Variants in NAA30 observed in about 807,000 individuals in gnomAD.
The protein encoded by NAA30 is N-alpha-acetyltransferase 30, NatC catalytic subunit, also known as N-alpha-acetyltransferase 30.
Under a neutral mutation model 31.4 loss-of-function variants are expected in NAA30, and 5 were observed. That is an observed-to-expected ratio of 0.16 (90% CI 0.08 to 0.33). The LOEUF (loss-of-function observed/expected upper bound fraction) is 0.33, where lower values mean the gene tolerates loss of function less well. Among genes scored for constraint, NAA30 ranks in the 10% least tolerant of loss-of-function variants. NAA30 has a pLI of 1.00. For synonymous variants in NAA30, 222 were observed against 207.1 expected (o/e 1.07, Z -0.62); for missense variants, 428 against 490.8 (o/e 0.87, Z 1.21).
At chr14:57,405,615 T>C (rs1274748579) in intron 4 of NAA30, among the ~76,000 whole-genome samples, 2 of 152,172 alleles carry the variant, frequency 1.3e-5, no homozygotes, top group Non-Finnish European at 2.9e-5. Context: ...AGTTGTGTGA[T>C]TGTAGGCAGG....
rs1297402173 is a variant in NAA30, at chr14:57,413,866, C to T, written c.*4350C>T. 1 of 152,198 alleles carries T rather than the reference C, an allele frequency of 6.6e-6. No homozygotes were observed. The highest frequency in any genetic ancestry group is 1.5e-5 in the Non-Finnish European group (1 of 68,036). 9.4% of individuals were successfully genotyped at this position (152,198 alleles called of 1,614,324 possible). On this transcript the variant is annotated 3_prime_UTR_variant, in exon 5 of 5. Coordinates refer to ENST00000556492, the MANE Select transcript of NAA30 (RefSeq NM_001011713.3). Reference sequence around the variant, plus strand: ...CTCATAAGCATATAGCACTGCTACACTTTAGATCACTACTGTCCAGTCACA... The same window carrying T: ...CTCATAAGCATATAGCACTGCTACATTTTAGATCACTACTGTCCAGTCACA...
chr14:57,404,323 C>T (rs2066489858), intron 4 of NAA30, among the ~76,000 whole-genome samples: 2 of 152,018 alleles, frequency 1.3e-5, no homozygotes, highest in South Asian at 4.2e-4. Context: ...CTCCATCACA[C>T]ACACACACAC....
At chr14:57,399,729 A>G in intron 3 of NAA30, 99 bp from the exon 4 acceptor site, 1 of 751,070 alleles carries the variant, frequency 1.3e-6, no homozygotes, top group East Asian at 2.6e-5. Flanking sequence ...TTCAAGATAG[A>G]AACTAGCATT....
rs147403736 is a variant in NAA30, at chr14:57,391,485, G to A, written c.528G>A (p.Glu176=). The A allele has an allele frequency of 3.7e-4, 596 of 1,613,006 alleles. 2 individuals are homozygous for A. The highest frequency in any genetic ancestry group is 3.8e-4 in the Non-Finnish European group (449 of 1,179,766). ...GACTGGCCGAGGGCACCGAGCAGGA[G>A]GAGGAGGAGGAAGACGAGCAGGTGC... The part of the protein sequence containing the change: ...RNGLAEGTEQ[E]EEEEDEQVRL... The change falls in exon 2 of 5, where the codon GAG becomes GAA. Residue 176 remains glutamate, a synonymous_variant. Coordinates refer to ENST00000556492, the MANE Select transcript of NAA30 (RefSeq NM_001011713.3). This position sits in a 1 kb window ranked among gnomAD's most constrained non-coding sequence, Gnocchi z 4.1.
chr14:57,390,879 C>T (rs1225407206), intron 1 of NAA30, 78 bp from the exon 2 acceptor site: 4 of 1,415,666 alleles, frequency 2.8e-6, no homozygotes, highest in Non-Finnish European at 2.8e-6. Context: ...CTCGGCCGCC[C>T]CCCATCCGTC....
chr14:57,411,155 A>G lies in NAA30; in HGVS notation c.*1639A>G, dbSNP rs965346173. 1 of 152,316 alleles carries G rather than the reference A, an allele frequency of 6.6e-6. No individual in the cohort carries two copies. The highest frequency in any genetic ancestry group is 2.4e-5 in the African/African-American group (1 of 41,390). The allele number at this position is 152,316 out of a possible 1,614,324, so 9.4% of individuals were successfully genotyped here. A position where few individuals can be genotyped will look rare whatever the true frequency, so the allele number is the denominator to read the frequency against. On this transcript the variant is annotated 3_prime_UTR_variant, in exon 5 of 5. Transcript: ENST00000556492. ...AATACTTTAAAAATAAAGATACACA[A>G]TTTATATTTGAAAATAAAAACTTTC...
At chr14:57,409,100 TAATC>T (rs2066511919) in intron 4 of NAA30, among the ~76,000 whole-genome samples, 1 of 152,224 alleles carries the variant, frequency 6.6e-6, no homozygotes, top group Non-Finnish European at 1.5e-5. Context: ...GGGAAATAAT[TAATC>T]TTTGTTTTAG....
chr14:57,407,455 A>T (rs914565640), intron 4 of NAA30, among the ~76,000 whole-genome samples: 1 of 152,184 alleles, frequency 6.6e-6, no homozygotes, highest in African/African-American at 2.4e-5. Context: ...GCTGGGTGAT[A>T]TAAAAGGAAA....
At chr14:57,401,498 T>C (rs1788659240) in intron 4 of NAA30, among the ~76,000 whole-genome samples, 1 of 152,208 alleles carries the variant, frequency 6.6e-6, no homozygotes, top group South Asian at 2.1e-4. Flanking sequence ...GGATCAGATA[T>C]GTTCATGAGT....
chr14:57,404,358 T>C (rs532383659), intron 4 of NAA30, among the ~76,000 whole-genome samples: 34 of 152,238 alleles, frequency 2.2e-4, no homozygotes, highest in African/African-American at 8.2e-4. Context: ...GGTCGATTAC[T>C]GTGAATATGA....
chr14:57,391,265 G>A lies in NAA30; in HGVS notation c.308G>A (p.Ser103Asn). 1 of 1,612,078 alleles carries A rather than the reference G, an allele frequency of 6.2e-7. No homozygotes were observed. The highest frequency in any genetic ancestry group is 1.1e-5 in the South Asian group (1 of 91,010). Residue 103 changes from serine to asparagine, a missense_variant, in exon 2 of 5, where the codon AGC (serine) becomes AAC (asparagine). By Grantham distance (46) the Ser-to-Asn change is conservative. Transcript: ENST00000556492. This position sits in a 1 kb window ranked among gnomAD's most constrained non-coding sequence, Gnocchi z 4.1. ...CTCCGGGCGGCCGCCTCCCTCAAGA[G>A]CAAGGTCCTGAGCGTAGCAGAGGTG... ...RHLRAAASLK[S>N]KVLSVAEVAA... is the part of the protein sequence containing the mutation.
chr14:57,403,235 A>G (rs200264760), intron 4 of NAA30, among the ~76,000 whole-genome samples: 5 of 10,474 alleles, frequency 4.8e-4, no homozygotes, highest in East Asian at 0.018. Context: ...CCGTGGCCGG[A>G]AAAAAAAAAA....
chr14:57,405,912 C>G (rs1010277862), intron 4 of NAA30, among the ~76,000 whole-genome samples: 1 of 152,032 alleles, frequency 6.6e-6, no homozygotes, highest in Non-Finnish European at 1.5e-5. Context: ...CTAAGAGGAT[C>G]GGTGGAATTT....
At chr14:57,398,260 A>G (rs1309587329) in intron 3 of NAA30, among the ~76,000 whole-genome samples, 1 of 152,024 alleles carries the variant, frequency 6.6e-6, no homozygotes, top group Non-Finnish European at 1.5e-5. Flanking sequence ...GGCTTGTTTT[A>G]TGGACTAAGT....
In NAA30 at chr14:57,392,742, A is replaced by G. The variant is rs118154578; in HGVS notation, c.771+1014A>G. On this transcript the variant is annotated intron_variant, in intron 2 of 4. Transcript: ENST00000556492. ...TTAATATGTGAAGGGAAAAGCCACC[A>G]TTACTTAATGTTTTAGCATTGGCTT... 2.3e-3 allele frequency among the ~76,000 whole-genome samples: 343 copies of G among 152,320 alleles called. 8 individuals are homozygous for G. In the East Asian group the frequency reaches 0.056, roughly 25 times the overall value.
chr14:57,406,212 C>T (rs1413282266), intron 4 of NAA30, among the ~76,000 whole-genome samples: 2 of 152,086 alleles, frequency 1.3e-5, no homozygotes, highest in African/African-American at 2.4e-5. Context: ...TGTAATTGAG[C>T]TTCATTTCAT....
At chr14:57,402,637 C>A (rs1050285139) in intron 4 of NAA30, among the ~76,000 whole-genome samples, 2 of 152,064 alleles carry the variant, frequency 1.3e-5, no homozygotes, top group African/African-American at 4.8e-5. Flanking sequence ...TGTTAAAATG[C>A]CTTTGAAATG....
At chr14:57,408,679 A>G (rs751624260) in intron 4 of NAA30, among the ~76,000 whole-genome samples, 2 of 152,200 alleles carry the variant, frequency 1.3e-5, no homozygotes, top group African/African-American at 4.8e-5. Context: ...TAACATTTTG[A>G]ATACCTCTTG....
chr14:57,412,255 T>C lies in NAA30; in HGVS notation c.*2739T>C, dbSNP rs1040585587. The stretch of plus-strand genomic sequence containing the variant: ...AAATAAAAAATCGATTTTAATATTT[T>C]CTGCCTCTTTCCCAAATTACCCTTC... On this transcript the variant is annotated 3_prime_UTR_variant, in exon 5 of 5. Transcript: ENST00000556492. The C allele has an allele frequency of 3.3e-5, 5 of 152,204 alleles. No homozygotes were observed. Among genetic ancestry groups the C allele is most frequent in the African/African-American group, 4.8e-5 (2 of 41,448 alleles). 9.4% of individuals were successfully genotyped at this position (152,204 alleles called of 1,614,324 possible).
Sources: gnomAD v4.1 joint callset for allele counts (sites outside exome capture counted in the v4.1 genomes callset) on GRCh38, gnomAD v4.1.1 for gene constraint, Gnocchi (gnomAD v3.1) non-coding constraint, MANE v1.5 for transcripts, NCBI Gene and HGNC (gene_info 2026-07-23, HGNC 2026-07-21) for gene names.